PLCH1: variants seen among roughly 807,000 people sequenced by gnomAD.
PLCH1 encodes the protein 1-phosphatidylinositol 4,5-bisphosphate phosphodiesterase eta-1.
PLCH1 carries 60 observed loss-of-function variants against 126.7 expected under a neutral mutation model. The observed-to-expected ratio is 0.47, with a 90% CI of 0.38 to 0.59. The LOEUF (loss-of-function observed/expected upper bound fraction) is 0.59. Ranked by LOEUF, PLCH1 falls within the 20% of genes least tolerant of loss-of-function variation. PLCH1 has a pLI of 0.00. For missense variants in PLCH1, 1,723 were observed against 2,040.0 expected, an observed-to-expected ratio of 0.84 and a Z score of 2.99; for synonymous variants, 719 against 734.9, an observed-to-expected ratio of 0.98 and a Z score of 0.35.
chr3:155,463,859 C>T (rs183833735), intron 21 of PLCH1, among the ~76,000 whole-genome samples: 61 of 152,272 alleles, frequency 4.0e-4, no homozygotes, highest in African/African-American at 1.4e-3. Flanking sequence ...TGTGCTTCTT[C>T]CTCCTTCTAG....
intron 7 of PLCH1, among the ~76,000 whole-genome samples, chr3:155,565,571 C>A (rs1184579556): frequency 6.6e-6 from 1 of 152,072 alleles, no homozygotes; most frequent in Non-Finnish European, 1.5e-5. Context: ...CCCAGAGAAG[C>A]CAAGCAGATG....
chr3:155,458,385 A>G (rs187483455), intron 21 of PLCH1, among the ~76,000 whole-genome samples: 48 of 38,856 alleles, frequency 1.2e-3, no homozygotes, highest in African/African-American at 5.8e-3. Context: ...AAAGAAAGAA[A>G]GAAGGAAGGA....
At position 155,492,731 on chromosome 3, in the gene PLCH1, C is replaced by T. The variant is rs766374309; in HGVS notation, c.2305G>A (p.Glu769Lys). ...ACACGTAGTCATAGGCAACTTACCT[C>T]GCCTCGATCTCCAAACATGGAGTCT... ...PPDSMFGDRG[E>K]IIDPFVEVEI... Residue 769 changes from glutamate to lysine, a missense_variant and splice_region_variant, in exon 18 of 23, where the codon GAG becomes AAG. By Grantham distance (56) the Glu-to-Lys change is moderately conservative. Coordinates refer to ENST00000460012, the MANE Select transcript of PLCH1 (RefSeq NM_014996.4). The T allele has an allele frequency of 4.4e-6, 7 of 1,573,474 alleles. No individual in the cohort carries two copies. Among genetic ancestry groups the T allele is most frequent in the African/African-American group, 1.4e-5 (1 of 73,034 alleles).
At chr3:155,737,584 A>C (rs574083948) in intron 1 of PLCH1, among the ~76,000 whole-genome samples, 3 of 152,190 alleles carry the variant, frequency 2.0e-5, no homozygotes, top group African/African-American at 7.2e-5. Context: ...ACATAACCCT[A>C]ACTCCTTATA....
chr3:155,526,370 GCT>G (rs576894112), intron 10 of PLCH1, among the ~76,000 whole-genome samples: 28 of 147,026 alleles, frequency 1.9e-4, no homozygotes, highest in South Asian at 2.2e-4. Flanking sequence ...CTTTCCTGGA[GCT>G]CTCTCTCTCT....
At chr3:155,568,709 G>T (rs1728826880) in intron 6 of PLCH1, among the ~76,000 whole-genome samples, 1 of 151,008 alleles carries the variant, frequency 6.6e-6, no homozygotes, top group African/African-American at 2.5e-5. Context: ...TGTAGAAAAA[G>T]AATGATTCCC....
chr3:155,488,517 T>C, intron 20 of PLCH1, 143 bp downstream of exon 20: 1 of 778,184 alleles, frequency 1.3e-6, no homozygotes, highest in Non-Finnish European at 2.0e-6. Context: ...CCTTTACATT[T>C]TACAAAGTTT....
In PLCH1 at chr3:155,708,857, C is replaced by T. The variant is rs538225893; in HGVS notation, c.-40-4593G>A. ...TATAAATAGAACCTGCAGATTTACG[C>T]TCTTTATTAAACATACAGATTAATT... is the stretch of plus-strand genomic sequence containing the variant. On this transcript the variant is annotated intron_variant, in intron 1 of 22. Coordinates refer to ENST00000460012, the MANE Select transcript of PLCH1 (RefSeq NM_014996.4). Among the ~76,000 whole-genome samples, 5 of 152,228 alleles carry T rather than the reference C, an allele frequency of 3.3e-5. No homozygotes were observed. The South Asian group carries it at 1.0e-3, about 32-fold the overall frequency.
At chr3:155,522,616 C>G (rs942290994) in intron 11 of PLCH1, among the ~76,000 whole-genome samples, 3 of 151,974 alleles carry the variant, frequency 2.0e-5, no homozygotes, top group African/African-American at 7.3e-5. Context: ...AAAGCCAACA[C>G]AGAATTATCT....
chr3:155,713,757 T>A (rs1747317297), intron 1 of PLCH1, among the ~76,000 whole-genome samples: 1 of 152,216 alleles, frequency 6.6e-6, no homozygotes, highest in South Asian at 2.1e-4. Flanking sequence ...AACCCTGTGC[T>A]TCAGCTGCCT....
At chr3:155,731,270 G>A (rs925317562) in intron 1 of PLCH1, among the ~76,000 whole-genome samples, 1 of 152,138 alleles carries the variant, frequency 6.6e-6, no homozygotes, top group African/African-American at 2.4e-5. Flanking sequence ...ACAGCAGCTG[G>A]CCAGCACCTG....
At chr3:155,504,367 G>A (rs1165928801) in intron 13 of PLCH1, among the ~76,000 whole-genome samples, 188 bp downstream of exon 13, 1 of 152,076 alleles carries the variant, frequency 6.6e-6, no homozygotes, top group East Asian at 1.9e-4. Flanking sequence ...TATGCAACTT[G>A]CTTTTTGATA....
intron 2 of PLCH1, among the ~76,000 whole-genome samples, chr3:155,609,288 G>A (rs1416834404): frequency 6.6e-6 from 1 of 152,146 alleles, no homozygotes; most frequent in Non-Finnish European, 1.5e-5. Flanking sequence ...ACCCAGAAGA[G>A]CAATAAGAAT....
chr3:155,475,025 T>C (rs982665159), downstream of PLCH1, among the ~76,000 whole-genome samples: 2 of 145,764 alleles, frequency 1.4e-5, no homozygotes, highest in African/African-American at 5.1e-5. Flanking sequence ...CATGTATACA[T>C]ATGTAACTAA....
intron 2 of PLCH1, among the ~76,000 whole-genome samples, chr3:155,642,885 G>T (rs903306710): frequency 1.3e-5 from 2 of 152,116 alleles, no homozygotes; most frequent in African/African-American, 4.8e-5. Flanking sequence ...GTGACAGCAG[G>T]ACTTCCAAAG....
At chr3:155,738,550 G>A (rs1009665361) in intron 1 of PLCH1, among the ~76,000 whole-genome samples, 4 of 152,080 alleles carry the variant, frequency 2.6e-5, no homozygotes, top group African/African-American at 9.7e-5. Context: ...GCGGGAGGCC[G>A]AGGCAGGCGG....
chr3:155,728,300 G>A (rs1748495364), intron 1 of PLCH1, among the ~76,000 whole-genome samples: 2 of 152,116 alleles, frequency 1.3e-5, no homozygotes. Flanking sequence ...ACCTGAGCCA[G>A]CCCAAAACAT....
rs187821075 is a variant in PLCH1 at position 155,492,658 on chromosome 3, C to T, written c.2307+71G>A. 150 of 1,359,332 alleles carry T rather than the reference C, an allele frequency of 1.1e-4. 1 individual carries two copies. The East Asian group carries it at 3.2e-3, about 29-fold the overall frequency. 84.2% of individuals were successfully genotyped at this position (1,359,332 alleles called of 1,614,324 possible). A position where few individuals can be genotyped will look rare whatever the true frequency, so the allele number is the denominator to read the frequency against. ...CACACATACATCTCTGAAGACATTT[C>T]GGATAAAATGTAAATGCACTAAGAT... On this transcript the variant is annotated intron_variant, in intron 18 of 22. Coordinates refer to ENST00000460012, the MANE Select transcript of PLCH1 (RefSeq NM_014996.4).
intron 1 of PLCH1, among the ~76,000 whole-genome samples, chr3:155,733,964 T>C (rs947208010): frequency 9.2e-6 from 1 of 108,650 alleles, no homozygotes; most frequent in Admixed American, 8.6e-5. Context: ...TATATATATA[T>C]ATATATATAT....
Sources: allele counts gnomAD v4.1 joint callset (sites outside exome capture counted in the v4.1 genomes callset), GRCh38; gene constraint gnomAD v4.1.1; transcripts MANE v1.5; gene names NCBI Gene and HGNC (gene_info 2026-07-23, HGNC 2026-07-21).